The following PARD3 variants were observed in gnomAD, a reference collection of about 807,000 sequenced individuals.
The protein encoded by PARD3 is par-3 family cell polarity regulator, also known as partitioning defective 3 homolog.
A neutral mutation model predicts 155.4 loss-of-function variants in PARD3; 75 were observed. That is an observed-to-expected ratio of 0.48 (90% CI 0.40 to 0.58). The LOEUF (loss-of-function observed/expected upper bound fraction) is 0.58, where lower values mean the gene tolerates loss of function less well. Among genes scored for constraint, PARD3 ranks in the 20% least tolerant of loss-of-function variants. The pLI is 0.00. For missense variants in PARD3, 1,642 were observed against 1,721.7 expected, an observed-to-expected ratio of 0.95 and a Z score of 0.82; for synonymous variants, 576 against 610.5, an observed-to-expected ratio of 0.94 and a Z score of 0.83.
At chr10:34,684,878 TAC>T (rs57035644) in intron 2 of PARD3, among the ~76,000 whole-genome samples, 28,297 of 137,734 alleles carry the variant, frequency 0.21, 2,972 homozygotes, top group East Asian at 0.47. Context: ...TACACACACA[TAC>T]ACACACACAC....
chr10:34,652,475 A>C (rs2093041992), intron 2 of PARD3, among the ~76,000 whole-genome samples: 1 of 152,228 alleles, frequency 6.6e-6, no homozygotes, highest in Non-Finnish European at 1.5e-5. Flanking sequence ...GTCTAGTTTG[A>C]GAAGTTTGCT....
chr10:34,556,347 C>A lies in PARD3; in HGVS notation c.223-39188G>T, dbSNP rs74534670. On this transcript the variant is annotated intron_variant, in intron 2 of 24. Transcript: ENST00000374788. ...GTGTGCAAGAAGAATTTAATAGACA[C>A]AACTGCGCTACCACCCTTCCAATTC... Among the ~76,000 whole-genome samples the A allele has an allele frequency of 1.3e-4, 20 of 151,626 alleles. No individual in the cohort carries two copies. The East Asian group carries it at 3.5e-3, about 26-fold the overall frequency.
intron 22 of PARD3, among the ~76,000 whole-genome samples, chr10:34,185,927 C>T (rs969507212): frequency 6.6e-6 from 1 of 151,524 alleles, no homozygotes; most frequent in Non-Finnish European, 1.5e-5. Context: ...TTAAAATGTG[C>T]CTCCTTTAAT....
intron 22 of PARD3, among the ~76,000 whole-genome samples, chr10:34,159,607 G>A (rs988754653): frequency 7.9e-5 from 12 of 152,260 alleles, no homozygotes; most frequent in African/African-American, 2.9e-4. Context: ...GAATATGGCT[G>A]GTCAAAATCA....
intron 22 of PARD3, among the ~76,000 whole-genome samples, chr10:34,224,684 T>C (rs369988416): frequency 1.8e-4 from 28 of 152,218 alleles, no homozygotes; most frequent in African/African-American, 6.5e-4. Context: ...TAGGGGGCCA[T>C]GAAACCCTCG....
chr10:34,763,852 T>C (rs773225604), intron 1 of PARD3, among the ~76,000 whole-genome samples: 11 of 152,186 alleles, frequency 7.2e-5, no homozygotes, highest in Non-Finnish European at 1.5e-4. Flanking sequence ...CCAAATACTA[T>C]AATAATTTTT....
intron 5 of PARD3, among the ~76,000 whole-genome samples, chr10:34,443,327 T>C (rs1270350552): frequency 1.3e-5 from 2 of 152,214 alleles, no homozygotes; most frequent in Admixed American, 1.3e-4. Flanking sequence ...AAAATTAAAC[T>C]CATAGAAACT....
intron 1 of PARD3, among the ~76,000 whole-genome samples, chr10:34,797,992 T>C (rs1226764089): frequency 6.6e-6 from 1 of 151,912 alleles, no homozygotes; most frequent in Non-Finnish European, 1.5e-5. Context: ...AGCACAAGAC[T>C]CGGTCTCAAA....
chr10:34,647,371 T>A (rs1276740424), intron 2 of PARD3, among the ~76,000 whole-genome samples: 1 of 152,174 alleles, frequency 6.6e-6, no homozygotes, highest in Non-Finnish European at 1.5e-5. Flanking sequence ...ACAGGGAAGG[T>A]CACTTCAAAG....
intron 2 of PARD3, among the ~76,000 whole-genome samples, chr10:34,642,428 C>T (rs1345085206): frequency 7.9e-6 from 1 of 127,268 alleles, no homozygotes; most frequent in East Asian, 2.4e-4. Flanking sequence ...CTTCCACTCA[C>T]TCTGCCCCAC....
chr10:34,367,511 C>T (rs1358467844), intron 12 of PARD3, among the ~76,000 whole-genome samples: 2 of 152,132 alleles, frequency 1.3e-5, no homozygotes. Context: ...CAAGACCATC[C>T]TGGCCAACAT....
intron 3 of PARD3, among the ~76,000 whole-genome samples, chr10:34,472,155 G>A (rs767593543): frequency 1.3e-5 from 2 of 152,162 alleles, no homozygotes; most frequent in Non-Finnish European, 1.5e-5. Flanking sequence ...TCTGAGCAAC[G>A]TTACTAGGGC....
At chr10:34,358,282 GTTT>G (rs1419693731) in intron 14 of PARD3, among the ~76,000 whole-genome samples, 3 of 152,078 alleles carry the variant, frequency 2.0e-5, no homozygotes, top group Non-Finnish European at 4.4e-5. Context: ...AACAAAGTAT[GTTT>G]TTCCATATTT....
At chr10:34,744,504 C>G (rs941457615) in intron 1 of PARD3, among the ~76,000 whole-genome samples, 10 of 152,212 alleles carry the variant, frequency 6.6e-5, no homozygotes, top group African/African-American at 2.2e-4. Context: ...ATTTTTACAC[C>G]TGCTAATGCC....
chr10:34,684,778 TACACAC>T (rs3087285), intron 2 of PARD3, among the ~76,000 whole-genome samples: 16,336 of 118,606 alleles, frequency 0.14, 925 homozygotes, highest in East Asian at 0.23. Flanking sequence ...TGATGATACA[TACACAC>T]ACACACACAC....
At chr10:34,242,088 T>C (rs1953637992) in intron 22 of PARD3, among the ~76,000 whole-genome samples, 1 of 152,226 alleles carries the variant, frequency 6.6e-6, no homozygotes, top group Non-Finnish European at 1.5e-5. Flanking sequence ...CTTTCCAAAG[T>C]TGCTATCATA....
chr10:34,655,696 TA>T (rs1302971300), intron 2 of PARD3, among the ~76,000 whole-genome samples: 1 of 152,162 alleles, frequency 6.6e-6, no homozygotes, highest in Non-Finnish European at 1.5e-5. Context: ...AGAGCAGTAA[TA>T]AAGTTACCTT....
intron 20 of PARD3, among the ~76,000 whole-genome samples, chr10:34,297,523 A>G (rs1365393689): frequency 1.3e-5 from 2 of 152,220 alleles, no homozygotes; most frequent in African/African-American, 2.4e-5. Context: ...TAACAAGAAT[A>G]TCTAAACATT....
chr10:34,387,682 G>C (rs1176026143), intron 7 of PARD3, among the ~76,000 whole-genome samples: 2 of 152,306 alleles, frequency 1.3e-5, no homozygotes, highest in East Asian at 3.9e-4. Context: ...TTACAGGCTT[G>C]AGCCACTGTG....
Sources: allele counts gnomAD v4.1 joint callset (sites outside exome capture counted in the v4.1 genomes callset), GRCh38; gene constraint gnomAD v4.1.1; transcripts MANE v1.5; gene names NCBI Gene and HGNC (gene_info 2026-07-23, HGNC 2026-07-21).